The following CTPS1 variants were observed in gnomAD, a reference collection of about 807,000 sequenced individuals.
CTPS1 encodes CTP synthase 1.
In CTPS1, 25 loss-of-function variants were observed where a neutral mutation model predicts 80.5. That is an observed-to-expected ratio of 0.31 (90% confidence interval 0.23 to 0.43). The LOEUF is 0.43. Ranked by LOEUF, CTPS1 falls within the 20% of genes least tolerant of loss-of-function variation. CTPS1 has a pLI of 1.00. For missense variants in CTPS1, 442 were observed against 725.7 expected, an observed-to-expected ratio of 0.61 and a Z score of 4.49; for synonymous variants, 267 against 252.5, an observed-to-expected ratio of 1.06 and a Z score of -0.54.
At position 41,007,300 on chromosome 1, in the gene CTPS1, G is replaced by T; in HGVS notation, c.1297-149G>T. Reference sequence around the variant, plus strand: ...CGAGGTTACAAATGCCAACTGGGAGGCATTTTCTTCTGTGACAAAATGTCT... The same window carrying T: ...CGAGGTTACAAATGCCAACTGGGAGTCATTTTCTTCTGTGACAAAATGTCT... On this transcript the variant is annotated intron_variant, in intron 13 of 18. Coordinates refer to ENST00000650070, the MANE Select transcript of CTPS1 (RefSeq NM_001905.4). This position sits in a 1 kb window ranked among gnomAD's most constrained non-coding sequence, Gnocchi z 4.4. 1 of 668,812 alleles carries T rather than the reference G, an allele frequency of 1.5e-6. No individual in the cohort carries two copies. Among genetic ancestry groups the T allele is most frequent in the South Asian group, 1.8e-5 (1 of 54,178 alleles). 41.4% of individuals were successfully genotyped at this position (668,812 alleles called of 1,614,324 possible). A position where few individuals can be genotyped will look rare whatever the true frequency, so the allele number is the denominator to read the frequency against.
chr1:40,996,344 A>G (rs1291635055), intron 8 of CTPS1, among the ~76,000 whole-genome samples: 1 of 152,208 alleles, frequency 6.6e-6, no homozygotes, highest in African/African-American at 2.4e-5. Context: ...CAACTAGATC[A>G]GTGCAGATGG....
At position 41,007,354 on chromosome 1, in the gene CTPS1, T is replaced by A; in HGVS notation, c.1297-95T>A. ...AAGGAAAGCCTGGAGAATTAGAGCT[T>A]ACTTACAAGCCTTTGCCACCCACTC... On this transcript the variant is annotated intron_variant, in intron 13 of 18. Transcript: ENST00000650070. The surrounding 1 kb of genome is among the most constrained non-coding windows in gnomAD (Gnocchi z 4.4). 1 of 983,252 alleles carries A rather than the reference T, an allele frequency of 1.0e-6. No homozygotes were observed. The highest frequency in any genetic ancestry group is 1.6e-6 in the Non-Finnish European group (1 of 632,844). 60.9% of individuals were successfully genotyped at this position (983,252 alleles called of 1,614,324 possible).
chr1:40,990,174 A>G (rs904129537), intron 5 of CTPS1, among the ~76,000 whole-genome samples: 1 of 152,182 alleles, frequency 6.6e-6, no homozygotes, highest in Non-Finnish European at 1.5e-5. Context: ...AGAGTTGAAT[A>G]CTTGTGGCAG....
rs754438957 is a variant in CTPS1 at position 40,984,816 on chromosome 1, T to C, written c.167-5T>C. On this transcript the variant is annotated splice_region_variant and splice_polypyrimidine_tract_variant and intron_variant, in intron 2 of 18. Coordinates refer to ENST00000650070, the MANE Select transcript of CTPS1 (RefSeq NM_001905.4). Reference sequence around the variant, plus strand: ...TAACGTAAATGGTTTCTCTGTTCACTGCAGGTGAGGTTTTTGTGCTGGATG... The same window carrying C: ...TAACGTAAATGGTTTCTCTGTTCACCGCAGGTGAGGTTTTTGTGCTGGATG... 1.6e-5 allele frequency: 25 copies of C among 1,547,318 alleles called. No individual in the cohort carries two copies. The Admixed American group carries it at 2.1e-4, about 13-fold the overall frequency.
chr1:41,008,475 A>G (rs927091312), intron 14 of CTPS1, among the ~76,000 whole-genome samples, 184 bp from the exon 15 acceptor site: 1 of 152,224 alleles, frequency 6.6e-6, no homozygotes, highest in Admixed American at 6.5e-5. Context: ...GAAAGAGTCA[A>G]AAGCCCAAGA....
chr1:40,986,709 A>T (rs1642462315), intron 3 of CTPS1, among the ~76,000 whole-genome samples: 1 of 152,220 alleles, frequency 6.6e-6, no homozygotes, highest in East Asian at 1.9e-4. Flanking sequence ...AGTGTTGAGC[A>T]ATTGCTGGCA....
chr1:41,005,905 A>G, intron 12 of CTPS1, 146 bp from the exon 13 acceptor site: 1 of 662,170 alleles, frequency 1.5e-6, no homozygotes, highest in South Asian at 1.8e-5. Context: ...TCGTCTGGGG[A>G]TGAGGTCAGG....
At chr1:40,996,173 C>T (rs1182056592) in intron 8 of CTPS1, 105 bp downstream of exon 8, 2 of 1,227,594 alleles carry the variant, frequency 1.6e-6, no homozygotes, top group East Asian at 2.5e-5. Flanking sequence ...GCACTTCTGC[C>T]ATCCACTCAT....
intron 7 of CTPS1, among the ~76,000 whole-genome samples, chr1:40,995,617 TTGAACTCC>T (rs1642732061): frequency 6.6e-6 from 1 of 152,156 alleles, no homozygotes; most frequent in South Asian, 2.1e-4. Context: ...CAGTCTGGTC[TTGAACTCC>T]TGAGCTCGAG....
At chr1:40,987,835 T>C (rs1348408461) in intron 4 of CTPS1, among the ~76,000 whole-genome samples, 1 of 152,242 alleles carries the variant, frequency 6.6e-6, no homozygotes, top group Admixed American at 6.5e-5. Context: ...TCTGTACTCC[T>C]GCTGTGCTGA....
intron 8 of CTPS1, 70 bp downstream of exon 8, chr1:40,996,138 C>T: frequency 6.4e-7 from 1 of 1,551,372 alleles, no homozygotes; most frequent in African/African-American, 1.4e-5. Context: ...GAAGCCGACT[C>T]TAGCCCTAGC....
At position 41,011,712 on chromosome 1, in the gene CTPS1, T is replaced by C. The variant is rs1339928541; in HGVS notation, c.*64T>C. On this transcript the variant is annotated 3_prime_UTR_variant, in exon 19 of 19. Transcript: ENST00000650070. Reference sequence around the variant, plus strand: ...TGGGTAGAGTTTACAGCTCTGACTTTACACTCGGCTTTGGAGACTTTCTTT... The same window carrying C: ...TGGGTAGAGTTTACAGCTCTGACTTCACACTCGGCTTTGGAGACTTTCTTT... The C allele has an allele frequency of 6.6e-6, 1 of 152,248 alleles. No individual in the cohort carries two copies. Among genetic ancestry groups the C allele is most frequent in the Non-Finnish European group, 1.5e-5 (1 of 68,052 alleles). 9.4% of individuals were successfully genotyped at this position (152,248 alleles called of 1,614,324 possible).
At chr1:41,000,496 A>C (rs955393435) in intron 9 of CTPS1, among the ~76,000 whole-genome samples, 1 of 147,594 alleles carries the variant, frequency 6.8e-6, no homozygotes, top group Non-Finnish European at 1.5e-5. Flanking sequence ...CAAGTGATCC[A>C]CCCGCCTCGG....
At chr1:41,010,899 G>A (rs1382337845) in intron 18 of CTPS1, among the ~76,000 whole-genome samples, 2 of 152,236 alleles carry the variant, frequency 1.3e-5, no homozygotes, top group Non-Finnish European at 2.9e-5. Context: ...TGAGATAACT[G>A]TGTGGACTGT....
chr1:40,987,457 A>G lies in CTPS1; in HGVS notation c.423A>G (p.Gln141=), dbSNP rs775731325. Residue 141 remains glutamine, a synonymous_variant, in exon 4 of 19, where the codon CAA becomes CAG. Transcript: ENST00000650070. ...TAGATGAAGATGGCCTGGAACCTCA[A>G]GTGTGTGTTATTGAGGTTTGTATGA... ...IPVDEDGLEP[Q]VCVIELGGTV... is the part of the protein sequence containing the mutation. The G allele has an allele frequency of 6.2e-7, 1 of 1,612,026 alleles. No individual in the cohort carries two copies. The highest frequency in any genetic ancestry group is 1.1e-5 in the South Asian group (1 of 90,930).
chr1:40,997,902 G>A (rs1315463462), intron 9 of CTPS1, among the ~76,000 whole-genome samples: 1 of 152,186 alleles, frequency 6.6e-6, no homozygotes, highest in Non-Finnish European at 1.5e-5. Context: ...TTCCTAACCT[G>A]TGCTTATCAC....
chr1:40,993,774 CTTTTTTT>C (rs71278720), intron 7 of CTPS1, among the ~76,000 whole-genome samples: 1,495 of 85,792 alleles, frequency 0.017, 30 homozygotes, highest in African/African-American at 0.056. Flanking sequence ...TTTCTTCTCT[CTTTTTTT>C]TTTTTTTTTT....
chr1:41,003,789 G>T (rs1412254110), intron 12 of CTPS1, among the ~76,000 whole-genome samples: 1 of 152,228 alleles, frequency 6.6e-6, no homozygotes, highest in Non-Finnish European at 1.5e-5. Flanking sequence ...GCTCCCAACA[G>T]CAGTGACTTC....
chr1:41,007,402 C>T lies in CTPS1; in HGVS notation c.1297-47C>T, dbSNP rs375467735. 7.1e-6 allele frequency: 11 copies of T among 1,552,424 alleles called. No individual in the cohort carries two copies. The highest frequency in any genetic ancestry group is 9.8e-6 in the Non-Finnish European group (11 of 1,125,780). On this transcript the variant is annotated intron_variant, in intron 13 of 18. Transcript: ENST00000650070. This position sits in a 1 kb window ranked among gnomAD's most constrained non-coding sequence, Gnocchi z 4.4. ...CTCAGCGAGGGAGGTTTCTCTCTAG[C>T]GGAAGCAGAGTTCTGTAGTTGGTGT... is the stretch of plus-strand genomic sequence containing the variant.
Sources: allele counts gnomAD v4.1 joint callset (sites outside exome capture counted in the v4.1 genomes callset), GRCh38; gene constraint gnomAD v4.1.1; non-coding constraint Gnocchi (gnomAD v3.1); transcripts MANE v1.5; gene names NCBI Gene and HGNC (gene_info 2026-07-23, HGNC 2026-07-21).